NPM3: variants seen among roughly 807,000 people sequenced by gnomAD.
NPM3 encodes nucleoplasmin-3.
A neutral mutation model predicts 18.1 loss-of-function variants in NPM3; 12 were observed. The ratio of observed to expected loss-of-function variants is 0.66; its 90% confidence interval spans 0.42 to 1.07. The LOEUF (loss-of-function observed/expected upper bound fraction) is 1.07, where lower values mean the gene tolerates loss of function less well. NPM3 is among the 50% of genes least tolerant of loss of function. The pLI is 0.00. For synonymous variants in NPM3, 116 were observed against 93.7 expected (o/e 1.24, Z -1.38); for missense variants, 274 against 232.1 (o/e 1.18, Z -1.17).
chr10:101,782,767 C>T, intron 2 of NPM3, 72 bp downstream of exon 2: 3 of 1,580,838 alleles, frequency 1.9e-6, no homozygotes, highest in Non-Finnish European at 2.6e-6. Flanking sequence ...TAAAGGGGAT[C>T]CGGAGGTTGG....
Position 101,782,254 on chromosome 10 carries a change from T to C in NPM3, c.418+4A>G. On this transcript the variant is annotated splice_donor_region_variant and intron_variant, in intron 4 of 5. Coordinates refer to ENST00000370110, the Ensembl canonical transcript of NPM3. ...CAAAGGAGAGGGCCCTCCCCTCTTCTCACCAATCTGGTGCCGCCCAGTGAT... is the reference window on the plus strand; with the variant it reads ...CAAAGGAGAGGGCCCTCCCCTCTTCCCACCAATCTGGTGCCGCCCAGTGAT... 6.2e-7 allele frequency: 1 copy of C among 1,612,688 alleles called. No individual in the cohort carries two copies. Among genetic ancestry groups the C allele is most frequent in the East Asian group, 2.2e-5 (1 of 44,854 alleles).
In NPM3 at chr10:101,781,646, A is replaced by G; in HGVS notation, c.*10-14T>C. On this transcript the variant is annotated splice_polypyrimidine_tract_variant and intron_variant, in intron 5 of 5. Coordinates refer to ENST00000370110, the Ensembl canonical transcript of NPM3. ...CATGGAGCTGACCTGAAAAGAGGAA[A>G]CAAGGAATCAGCATTTAGGCCCTCA... The G allele has an allele frequency of 6.8e-7, 1 of 1,464,188 alleles. No homozygotes were observed. The highest frequency in any genetic ancestry group is 9.3e-7 in the Non-Finnish European group (1 of 1,070,790). The allele number at this position is 1,464,188 out of a possible 1,614,324, so 90.7% of individuals were successfully genotyped here.
At chr10:101,781,797 T>C in exon 5 of NPM3, 1 of 1,614,180 alleles carries the variant, frequency 6.2e-7, no homozygotes. Flanking sequence ...TTCTTCCTCA[T>C]CACTGTCCTC....
chr10:101,783,406 T>C (rs1400327125), exon 1 of NPM3: 3 of 1,555,648 alleles, frequency 1.9e-6, no homozygotes, highest in African/African-American at 1.4e-5. Context: ...AAGAGCCTTC[T>C]TCAAACTCCG....
chr10:101,782,304 C>T (rs2065147378), exon 4 of NPM3: 1 of 1,613,962 alleles, frequency 6.2e-7, no homozygotes, highest in Admixed American at 1.7e-5. Context: ...AGCCCGACTT[C>T]AGGCGGAAGG....
exon 1 of NPM3, chr10:101,783,349 C>T: frequency 6.2e-7 from 1 of 1,613,244 alleles, no homozygotes. Flanking sequence ...TTCGGCTCTC[C>T]TGACTCAAAA....
intron 1 of NPM3, 147 bp downstream of exon 1, chr10:101,783,126 G>A: frequency 3.7e-6 from 3 of 803,390 alleles, no homozygotes; most frequent in Non-Finnish European, 6.1e-6. Context: ...CACCCCCTTT[G>A]GCTGTGCGTG....
intron 3 of NPM3, 39 bp downstream of exon 3, chr10:101,782,439 C>G (rs1051927073): frequency 1.2e-6 from 2 of 1,600,566 alleles, no homozygotes; most frequent in Admixed American, 3.5e-5. Flanking sequence ...CCCCTCACCA[C>G]CACCACCACC....
At chr10:101,783,286 G>A in exon 1 of NPM3, 1 of 1,608,218 alleles carries the variant, frequency 6.2e-7, no homozygotes, top group Non-Finnish European at 8.5e-7. Flanking sequence ...AGAAAAAACT[G>A]TCCATAGTGA....
Position 101,781,635 on chromosome 10 carries a change from G to T in NPM3, c.*10-3C>A. On this transcript the variant is annotated splice_polypyrimidine_tract_variant and splice_region_variant and intron_variant, in intron 5 of 5. Coordinates refer to ENST00000370110, the Ensembl canonical transcript of NPM3. ...GGTGCATGGCACATGGAGCTGACCT[G>T]AAAAGAGGAAACAAGGAATCAGCAT... 2.2e-6 allele frequency: 3 copies of T among 1,383,756 alleles called. No homozygotes were observed. The highest frequency in any genetic ancestry group is 2.6e-4 in the Middle Eastern group (1 of 3,910). 85.7% of individuals were successfully genotyped at this position (1,383,756 alleles called of 1,614,324 possible). A position where few individuals can be genotyped will look rare whatever the true frequency, so the allele number is the denominator to read the frequency against.
At position 101,781,858 on chromosome 10, in the gene NPM3, G is replaced by T; in HGVS notation, c.419-4C>A. 6.2e-7 allele frequency: 1 copy of T among 1,614,100 alleles called. No homozygotes were observed. Among genetic ancestry groups the T allele is most frequent in the South Asian group, 1.1e-5 (1 of 91,078 alleles). ...GAAACATCATTGCTCATCGTAACTG[G>T]TGGACACACAAGCAGTAGAAGGATG... On this transcript the variant is annotated splice_polypyrimidine_tract_variant and splice_region_variant and intron_variant, in intron 4 of 5. Transcript: ENST00000370110.
At chr10:101,782,691 G>T in intron 2 of NPM3, 94 bp from the exon 3 acceptor site, 1 of 1,595,014 alleles carries the variant, frequency 6.3e-7, no homozygotes, top group South Asian at 1.1e-5. Context: ...AGCCTCAGAG[G>T]TCCCGGTTCA....
intron 1 of NPM3, 108 bp downstream of exon 1, chr10:101,783,165 A>G: frequency 1.1e-6 from 1 of 941,414 alleles, no homozygotes; most frequent in South Asian, 1.6e-5. Flanking sequence ...GGGAACAGCG[A>G]AGCAGCCCTC....
intron 1 of NPM3, 103 bp from the exon 2 acceptor site, chr10:101,783,027 T>A: frequency 9.7e-7 from 1 of 1,026,652 alleles, no homozygotes. Context: ...GGACGGGTCA[T>A]TTACACGTCC....
At chr10:101,782,499 G>C in exon 3 of NPM3, 2 of 1,613,174 alleles carry the variant, frequency 1.2e-6, no homozygotes, top group East Asian at 2.2e-5. Flanking sequence ...AGGACAGCTT[G>C]AGGTTGGCCA....
exon 6 of NPM3, chr10:101,781,411 A>C (rs1589817100): frequency 5.3e-6 from 2 of 374,060 alleles, no homozygotes. Context: ...TTCAGGCACT[A>C]ACCTCCAATT....
intron 1 of NPM3, 64 bp from the exon 2 acceptor site, chr10:101,782,988 C>A (rs1156303651): frequency 1.8e-5 from 27 of 1,473,444 alleles, no homozygotes; most frequent in Non-Finnish European, 2.3e-5. Context: ...GGGGATGTCA[C>A]CAACCCGCCG....
intron 1 of NPM3, 152 bp downstream of exon 1, chr10:101,783,121 C>A (rs980332200): frequency 5.0e-6 from 4 of 797,538 alleles, no homozygotes; most frequent in Middle Eastern, 2.6e-4. Context: ...CTCGCCACCC[C>A]CTTTGGCTGT....
chr10:101,783,400 G>T (rs372572556), exon 1 of NPM3: 8 of 1,577,000 alleles, frequency 5.1e-6, no homozygotes, highest in African/African-American at 1.4e-5. Flanking sequence ...TGCTGTAAGA[G>T]CCTTCTTCAA....
Sources: gnomAD v4.1 joint callset for allele counts on GRCh38, gnomAD v4.1.1 for gene constraint, MANE v1.5 for transcripts, NCBI Gene and HGNC (gene_info 2026-07-23, HGNC 2026-07-21) for gene names.